Variants in ATG7 observed in about 807,000 individuals in gnomAD.
ATG7 encodes ubiquitin-like modifier-activating enzyme ATG7.
Under a neutral mutation model 82.4 loss-of-function variants are expected in ATG7, and 70 were observed. The ratio of observed to expected loss-of-function variants is 0.85; its 90% CI spans 0.70 to 1.04. The LOEUF (loss-of-function observed/expected upper bound fraction) is 1.04. Among genes scored for constraint, ATG7 ranks in the 50% least tolerant of loss-of-function variants. The probability of loss-of-function intolerance (pLI) is 0.00; values close to 1 mark genes in which losing one functional copy is unlikely to be tolerated. For missense variants in ATG7, 792 were observed against 864.3 expected, an observed-to-expected ratio of 0.92 and a Z score of 1.05; for synonymous variants, 287 against 313.0, an observed-to-expected ratio of 0.92 and a Z score of 0.88.
intron 20 of ATG7, among the ~76,000 whole-genome samples, chr3:11,463,691 A>G (rs1258993759): frequency 2.0e-5 from 3 of 152,252 alleles, no homozygotes; most frequent in African/African-American, 7.2e-5. Context: ...TGATAGGAAC[A>G]GGTTCTCTCC....
intron 19 of ATG7, among the ~76,000 whole-genome samples, chr3:11,381,564 A>G (rs915998272): frequency 2.1e-4 from 32 of 152,256 alleles, no homozygotes; most frequent in African/African-American, 7.7e-4. Flanking sequence ...CGTTCCTTAT[A>G]CTTTAAAAGA....
intron 18 of ATG7, among the ~76,000 whole-genome samples, chr3:11,368,186 T>C (rs1330517880): frequency 1.4e-5 from 2 of 146,776 alleles, no homozygotes; most frequent in Non-Finnish European, 3.0e-5. Flanking sequence ...ATAAATCTTA[T>C]AGTAGTGTTG....
At chr3:11,494,360 C>G (rs1159615844) in intron 20 of ATG7, among the ~76,000 whole-genome samples, 1 of 152,172 alleles carries the variant, frequency 6.6e-6, no homozygotes. Flanking sequence ...TTATCAGCTC[C>G]TTGATACCAT....
intron 5 of ATG7, among the ~76,000 whole-genome samples, chr3:11,303,471 C>T (rs764303838): frequency 6.6e-6 from 1 of 151,256 alleles, no homozygotes; most frequent in Non-Finnish European, 1.5e-5. Flanking sequence ...AGATCAAGAC[C>T]ATCCTGGCTA....
chr3:11,483,181 C>T (rs1041689865), intron 20 of ATG7, among the ~76,000 whole-genome samples: 2 of 152,054 alleles, frequency 1.3e-5, no homozygotes, highest in African/African-American at 2.4e-5. Flanking sequence ...AAGCATTCTC[C>T]CCGTCCCCCT....
chr3:11,366,875 G>A (rs193210333), intron 18 of ATG7, among the ~76,000 whole-genome samples: 4 of 150,888 alleles, frequency 2.7e-5, no homozygotes, highest in East Asian at 3.9e-4. Context: ...CTTTCTCCTC[G>A]TTTTCAAATG....
intron 20 of ATG7, among the ~76,000 whole-genome samples, chr3:11,542,796 G>A (rs2070940843): frequency 6.6e-6 from 1 of 152,178 alleles, no homozygotes; most frequent in Admixed American, 6.5e-5. Flanking sequence ...AGTGAAGAAG[G>A]TGACGTTTGG....
chr3:11,516,545 T>C (rs2124872924), intron 20 of ATG7, among the ~76,000 whole-genome samples: 1 of 152,292 alleles, frequency 6.6e-6, no homozygotes, highest in East Asian at 1.9e-4. Context: ...ACTCTTACTG[T>C]GTGATCCAGC....
At position 11,422,769 on chromosome 3, in the gene ATG7, T is replaced by TGG. The variant is rs1553655332; in HGVS notation, c.1957-4034_1957-4033dup. Reference sequence around the variant, plus strand: ...TTTTTTTTTTTTTTTTTTTTTTTTTTGGAGACAGAGTCTCACTCCGTTGCC... The same window carrying TGG: ...TTTTTTTTTTTTTTTTTTTTTTTTTTGGGGAGACAGAGTCTCACTCCGTTGCC... On this transcript the variant is annotated intron_variant, in intron 19 of 20. Transcript: ENST00000693202. Among the ~76,000 whole-genome samples, 60 of 102,694 alleles carry TGG rather than the reference T, an allele frequency of 5.8e-4. 3 individuals carry two copies. In the South Asian group the frequency reaches 0.017, roughly 29 times the overall value. The allele number at this position is 102,694 out of a possible 152,430, so 67.4% of individuals were successfully genotyped here. A position where few individuals can be genotyped will look rare whatever the true frequency, so the allele number is the denominator to read the frequency against.
At chr3:11,496,846 T>C (rs1191536099) in intron 20 of ATG7, among the ~76,000 whole-genome samples, 1 of 152,122 alleles carries the variant, frequency 6.6e-6, no homozygotes, top group Non-Finnish European at 1.5e-5. Context: ...ATGTCATGTC[T>C]TTTTATTATT....
At chr3:11,285,166 C>T (rs1333958241) in intron 3 of ATG7, among the ~76,000 whole-genome samples, 1 of 140,668 alleles carries the variant, frequency 7.1e-6, no homozygotes, top group Admixed American at 7.3e-5. Context: ...TTTTAAAAGC[C>T]CGGCCTTTTT....
chr3:11,491,062 A>G (rs1298679057), intron 20 of ATG7, among the ~76,000 whole-genome samples: 1 of 152,128 alleles, frequency 6.6e-6, no homozygotes, highest in Non-Finnish European at 1.5e-5. Flanking sequence ...TATCCTGCAG[A>G]GTGTTTTCCA....
chr3:11,320,177 A>C (rs1450272537), intron 9 of ATG7, among the ~76,000 whole-genome samples: 2 of 146,796 alleles, frequency 1.4e-5, no homozygotes, highest in Middle Eastern at 3.3e-3. Context: ...CCCTCCCCCT[A>C]CCTCCCCTTT....
chr3:11,311,492 CT>C (rs1183926763), intron 7 of ATG7, among the ~76,000 whole-genome samples: 3 of 151,462 alleles, frequency 2.0e-5, no homozygotes, highest in African/African-American at 7.3e-5. Flanking sequence ...GTCCCAACTA[CT>C]CGGGAGGCTG....
chr3:11,441,107 A>T (rs551392194), intron 20 of ATG7, among the ~76,000 whole-genome samples: 7 of 152,124 alleles, frequency 4.6e-5, no homozygotes, highest in African/African-American at 1.7e-4. Flanking sequence ...CTGCTGTGGG[A>T]TATTTTTGTT....
At chr3:11,416,268 G>T (rs369231815) in intron 19 of ATG7, among the ~76,000 whole-genome samples, 2 of 152,310 alleles carry the variant, frequency 1.3e-5, no homozygotes, top group South Asian at 2.1e-4. Context: ...GAAAGAGATT[G>T]TAGATGATTG....
intron 14 of ATG7, among the ~76,000 whole-genome samples, chr3:11,353,477 T>C (rs1194354273): frequency 1.3e-5 from 2 of 152,144 alleles, no homozygotes; most frequent in Admixed American, 6.5e-5. Context: ...AATTTTGAAA[T>C]AGTAAATTCA....
chr3:11,530,767 G>A (rs577444026), intron 20 of ATG7, among the ~76,000 whole-genome samples: 18 of 152,274 alleles, frequency 1.2e-4, no homozygotes, highest in African/African-American at 4.3e-4. Flanking sequence ...GATCACTTGA[G>A]GTCAGGAGTT....
intron 19 of ATG7, among the ~76,000 whole-genome samples, chr3:11,391,242 ATTCTTT>A (rs757247075): frequency 2.0e-5 from 3 of 152,272 alleles, no homozygotes; most frequent in South Asian, 2.1e-4. Flanking sequence ...AAGTTTTTAG[ATTCTTT>A]TTCTTTTTCT....
Sources: gnomAD v4.1 joint callset for allele counts (sites outside exome capture counted in the v4.1 genomes callset) on GRCh38, gnomAD v4.1.1 for gene constraint, MANE v1.5 for transcripts, NCBI Gene and HGNC (gene_info 2026-07-23, HGNC 2026-07-21) for gene names.